The following DPP6 variants were observed in gnomAD, a reference collection of about 807,000 sequenced individuals.
DPP6 encodes the protein dipeptidyl peptidase like 6.
In DPP6, 69 loss-of-function variants were observed where a neutral mutation model predicts 122.6. The observed-to-expected ratio is 0.56, with a 90% CI of 0.46 to 0.69. The LOEUF is 0.69. DPP6 is among the 30% of genes least tolerant of loss of function. The pLI is 0.00. For synonymous variants in DPP6, 418 were observed against 433.1 expected (o/e 0.97, Z 0.43); for missense variants, 928 against 1,116.9 (o/e 0.83, Z 2.41).
the DPP6 span, among the ~76,000 whole-genome samples, chr7:153,816,851 A>G: frequency 9.2e-3 from 1,404 of 152,120 alleles, 20 homozygotes; most frequent in African/African-American, 0.032. Context: ...GAACGGATGC[A>G]AGGCAACTCT....
chr7:154,344,464 G>T (rs896414335), intron 1 of DPP6, among the ~76,000 whole-genome samples: 1 of 152,182 alleles, frequency 6.6e-6, no homozygotes, highest in Non-Finnish European at 1.5e-5. Flanking sequence ...TACGCTGTTG[G>T]TGGGAAGGTA....
Position 154,848,226 on chromosome 7 carries a change from G to GT in DPP6, c.1667-5545dup, listed in dbSNP as rs71184040. On this transcript the variant is annotated intron_variant, in intron 16 of 25. Coordinates refer to ENST00000377770, the MANE Select transcript of DPP6 (RefSeq NM_130797.4). Reference sequence around the variant, plus strand: ...GAATCATAGGGAAATTCTATTTTTAGTTTTTTTTTGAGGAACCACCATATT... The same window carrying GT: ...GAATCATAGGGAAATTCTATTTTTAGTTTTTTTTTTGAGGAACCACCATATT... Among the ~76,000 whole-genome samples, 603 of 151,596 alleles carry GT rather than the reference G, an allele frequency of 4.0e-3. 5 individuals carry two copies. Among genetic ancestry groups the GT allele is most frequent in the African/African-American group, 0.013 (521 of 41,280 alleles).
intron 1 of DPP6, among the ~76,000 whole-genome samples, chr7:154,347,473 A>T (rs747862221): frequency 2.0e-4 from 31 of 152,240 alleles, no homozygotes; most frequent in Non-Finnish European, 3.7e-4. Flanking sequence ...TGACCAAAGC[A>T]TGATATAAAA....
At chr7:153,927,906 G>C (rs1287008559) in intron 1 of DPP6, among the ~76,000 whole-genome samples, 1 of 152,044 alleles carries the variant, frequency 6.6e-6, no homozygotes, top group Non-Finnish European at 1.5e-5. Context: ...GTAAACATCA[G>C]TGCACACTTA....
At chr7:153,886,143 A>ACACACACACACACACACACACACC, upstream of DPP6, among the ~76,000 whole-genome samples, 1 of 151,732 alleles carries the variant, frequency 6.6e-6, no homozygotes, top group Non-Finnish European at 1.5e-5. Flanking sequence ...ACACACACAC[A>ACACACACACACACACACACACACC]CACACACACA....
chr7:154,156,537 G>C (rs1308421071), intron 1 of DPP6, among the ~76,000 whole-genome samples: 1 of 152,184 alleles, frequency 6.6e-6, no homozygotes, highest in Non-Finnish European at 1.5e-5. Context: ...GCCCTCTTTG[G>C]TAAGATGTGA....
intron 5 of DPP6, among the ~76,000 whole-genome samples, chr7:154,579,466 G>A (rs538657000): frequency 2.0e-5 from 3 of 152,230 alleles, no homozygotes; most frequent in African/African-American, 7.2e-5. Flanking sequence ...CTGATTAAAT[G>A]ATTTATTAGA....
intron 2 of DPP6, among the ~76,000 whole-genome samples, chr7:154,464,433 C>T (rs1190134185): frequency 2.0e-5 from 3 of 152,186 alleles, no homozygotes; most frequent in African/African-American, 7.2e-5. Flanking sequence ...ATTTTTGGTT[C>T]TTTACGAGCT....
intron 1 of DPP6, among the ~76,000 whole-genome samples, chr7:154,292,854 C>G (rs563768179): frequency 2.0e-5 from 3 of 152,136 alleles, no homozygotes; most frequent in Non-Finnish European, 4.4e-5. Flanking sequence ...TAGGAAATAC[C>G]TAAAATATAT....
intron 1 of DPP6, chr7:154,305,518 C>G: frequency 6.2e-7 from 1 of 1,604,456 alleles, no homozygotes; most frequent in Non-Finnish European, 8.5e-7. Flanking sequence ...AGGAGCCAAG[C>G]GCTTCGGGGA....
At chr7:154,485,841 G>A (rs965165889) in intron 3 of DPP6, among the ~76,000 whole-genome samples, 3 of 151,934 alleles carry the variant, frequency 2.0e-5, no homozygotes, top group Admixed American at 6.6e-5. Context: ...TGTGCACAAC[G>A]TGCAGGTTTG....
chr7:154,242,910 C>G (rs978208799), intron 1 of DPP6, among the ~76,000 whole-genome samples: 4 of 152,204 alleles, frequency 2.6e-5, no homozygotes, highest in African/African-American at 9.6e-5. Context: ...CTATGCACCA[C>G]CAGGAGATGC....
chr7:154,233,508 G>T (rs528659635), intron 1 of DPP6, among the ~76,000 whole-genome samples: 9 of 152,284 alleles, frequency 5.9e-5, no homozygotes, highest in African/African-American at 2.2e-4. Context: ...GAGGTCATTA[G>T]GGTGGGTCCA....
At chr7:153,749,401 C>T in the DPP6 span, among the ~76,000 whole-genome samples, 1 of 152,130 alleles carries the variant, frequency 6.6e-6, no homozygotes, top group Admixed American at 6.5e-5. This position sits in a 1 kb window ranked among gnomAD's most constrained non-coding sequence, Gnocchi z 4.1. Flanking sequence ...CCCCCTGGGC[C>T]AGAGCTTGCA....
chr7:154,471,658 A>G (rs1219791999), intron 2 of DPP6, among the ~76,000 whole-genome samples: 1 of 152,108 alleles, frequency 6.6e-6, no homozygotes, highest in Non-Finnish European at 1.5e-5. Flanking sequence ...GAACACTTGT[A>G]AGACAGAAGC....
At chr7:154,328,825 A>G (rs1808668351) in intron 1 of DPP6, among the ~76,000 whole-genome samples, 1 of 152,148 alleles carries the variant, frequency 6.6e-6, no homozygotes, top group Non-Finnish European at 1.5e-5. Context: ...ACTTTGACAG[A>G]CACAGTGTGG....
chr7:154,727,775 T>C lies in DPP6; in HGVS notation c.771T>C (p.Ile257=), dbSNP rs529439449. The C allele has an allele frequency of 4.3e-6, 7 of 1,611,410 alleles. No homozygotes were observed. Among genetic ancestry groups the C allele is most frequent in the Non-Finnish European group, 5.9e-6 (7 of 1,178,370 alleles). Residue 257 remains isoleucine, a synonymous_variant, in exon 8 of 26, where the codon ATT becomes ATC. Transcript: ENST00000377770. Reference sequence around the variant, plus strand: ...TTCTCTTTCCAAATTAGATATTTATTTTTGAAAACAATATCTACTACTGTG... The same window carrying C: ...TTCTCTTTCCAAATTAGATATTTATCTTTGAAAACAATATCTACTACTGTG... The part of the protein sequence containing the change: ...WGPKGQQLIF[I]FENNIYYCAH...
the DPP6 span, among the ~76,000 whole-genome samples, chr7:153,783,699 G>T: frequency 6.6e-6 from 1 of 152,194 alleles, no homozygotes; most frequent in Non-Finnish European, 1.5e-5. Flanking sequence ...GATGATCAGA[G>T]AGTAATTCAT....
chr7:154,801,605 G>C, intron 13 of DPP6, 143 bp downstream of exon 13: 1 of 1,230,370 alleles, frequency 8.1e-7, no homozygotes, highest in Non-Finnish European at 1.1e-6. Context: ...GGCAGGGCAT[G>C]GCGCTGGTGA....
Sources: gnomAD v4.1 joint callset for allele counts (sites outside exome capture counted in the v4.1 genomes callset) on GRCh38, gnomAD v4.1.1 for gene constraint, Gnocchi (gnomAD v3.1) non-coding constraint, MANE v1.5 for transcripts, NCBI Gene and HGNC (gene_info 2026-07-23, HGNC 2026-07-21) for gene names.